The following ATP9B variants were observed in gnomAD, a reference collection of about 807,000 sequenced individuals.
The protein encoded by ATP9B is probable phospholipid-transporting ATPase IIB.
A neutral mutation model predicts 146.1 loss-of-function variants in ATP9B; 110 were observed. That is an observed-to-expected ratio of 0.75 (90% CI 0.65 to 0.88). The LOEUF is 0.88. Among genes scored for constraint, ATP9B ranks in the 40% least tolerant of loss-of-function variants. The probability of loss-of-function intolerance (pLI) is 0.00; values close to 1 mark genes in which losing one functional copy is unlikely to be tolerated. For synonymous variants in ATP9B, 604 were observed against 569.7 expected (o/e 1.06, Z -0.86); for missense variants, 1,499 against 1,496.4 (o/e 1.00, Z -0.03).
intron 6 of ATP9B, among the ~76,000 whole-genome samples, chr18:79,149,521 G>T (rs758363747): frequency 8.6e-5 from 13 of 151,928 alleles, no homozygotes; most frequent in Non-Finnish European, 1.6e-4. Flanking sequence ...ATATTTCTTA[G>T]ACTTGATACC....
At chr18:79,099,817 T>C (rs1173812333) in intron 2 of ATP9B, among the ~76,000 whole-genome samples, 1 of 151,950 alleles carries the variant, frequency 6.6e-6, no homozygotes, top group Non-Finnish European at 1.5e-5. Flanking sequence ...CATGAGGCCA[T>C]TGAATATACT....
intron 4 of ATP9B, among the ~76,000 whole-genome samples, chr18:79,118,432 G>C (rs1405610791): frequency 9.7e-6 from 1 of 102,796 alleles, no homozygotes; most frequent in African/African-American, 3.8e-5. Flanking sequence ...ACAGAGTCTT[G>C]GTCTGTCGCC....
chr18:79,207,101 A>G (rs1213031777), intron 10 of ATP9B, 89 bp downstream of exon 10: 5 of 1,275,932 alleles, frequency 3.9e-6, no homozygotes, highest in African/African-American at 1.5e-5. Context: ...GGTTTCTCAC[A>G]GTGCCCTGAA....
At position 79,126,348 on chromosome 18, in the gene ATP9B, C is replaced by T; in HGVS notation, c.640C>T (p.Gln214Ter). The change falls in exon 5 of 30, where the codon CAA becomes TAA. Residue 214 changes from glutamine to a stop codon, truncating the protein, a stop_gained. Transcript: ENST00000426216. LOFTEE classifies it high-confidence loss of function. ...RFQRDKEVNS[Q>*]LYSKLTVRGK... ...TCAGCGTGACAAGGAAGTGAATTCA[C>T]AACTATATAGCAAGCTTACAGTAAG... is the stretch of plus-strand genomic sequence containing the variant. The T allele has an allele frequency of 6.2e-7, 1 of 1,611,608 alleles. No individual in the cohort carries two copies. The highest frequency in any genetic ancestry group is 2.2e-5 in the East Asian group (1 of 44,724).
intron 15 of ATP9B, among the ~76,000 whole-genome samples, chr18:79,325,783 G>C (rs1024117557): frequency 2.0e-5 from 3 of 152,178 alleles, no homozygotes; most frequent in African/African-American, 7.2e-5. Flanking sequence ...CCACTTGCAC[G>C]CAGCATCTCC....
At chr18:79,167,796 A>C (rs1042404826) in intron 7 of ATP9B, among the ~76,000 whole-genome samples, 1 of 152,146 alleles carries the variant, frequency 6.6e-6, no homozygotes, top group South Asian at 2.1e-4. Flanking sequence ...CCGAGGCTTC[A>C]GGTTGTTCCT....
chr18:79,346,680 C>G (rs1286723839), intron 23 of ATP9B, among the ~76,000 whole-genome samples: 1 of 148,130 alleles, frequency 6.8e-6, no homozygotes, highest in Non-Finnish European at 1.5e-5. Context: ...TCAGCACACA[C>G]TCGGCACACA....
intron 2 of ATP9B, among the ~76,000 whole-genome samples, chr18:79,097,287 A>G (rs993410155): frequency 2.7e-5 from 4 of 147,636 alleles, no homozygotes; most frequent in South Asian, 2.1e-4. Context: ...ATATGGGCCT[A>G]TACTCCTCTG....
intron 24 of ATP9B, 73 bp downstream of exon 24, chr18:79,347,998 C>T: frequency 6.2e-7 from 1 of 1,604,206 alleles, no homozygotes. Context: ...AGGGCAGGGT[C>T]CGGGAGTGGG....
At chr18:79,211,500 G>T (rs1314253130) in intron 10 of ATP9B, among the ~76,000 whole-genome samples, 1 of 152,104 alleles carries the variant, frequency 6.6e-6, no homozygotes, top group Non-Finnish European at 1.5e-5. Context: ...CTAGTCATGG[G>T]GTCTGTGGAG....
At chr18:79,335,238 A>G (rs920969283) in intron 17 of ATP9B, among the ~76,000 whole-genome samples, 1 of 152,174 alleles carries the variant, frequency 6.6e-6, no homozygotes, top group Non-Finnish European at 1.5e-5. Context: ...TGTAAGCAAT[A>G]TGGCAGCGTC....
At chr18:79,215,484 A>C (rs1369908740) in intron 11 of ATP9B, among the ~76,000 whole-genome samples, 1 of 151,816 alleles carries the variant, frequency 6.6e-6, no homozygotes, top group Non-Finnish European at 1.5e-5. Context: ...TAATTGTGAT[A>C]ATGGGGAAAG....
chr18:79,108,315 T>C (rs2075788988), intron 2 of ATP9B, among the ~76,000 whole-genome samples: 1 of 152,208 alleles, frequency 6.6e-6, no homozygotes, highest in Non-Finnish European at 1.5e-5. Flanking sequence ...AATTTTTCTT[T>C]CATTCAAGCA....
chr18:79,214,290 A>G (rs189319395), intron 11 of ATP9B, among the ~76,000 whole-genome samples: 56 of 152,340 alleles, frequency 3.7e-4, no homozygotes, highest in African/African-American at 1.0e-3. Context: ...TGTCAGATAT[A>G]TAATTTGCCC....
chr18:79,109,733 T>G (rs924072347), intron 2 of ATP9B, among the ~76,000 whole-genome samples: 3 of 152,016 alleles, frequency 2.0e-5, no homozygotes, highest in African/African-American at 7.2e-5. Context: ...GGCTGGCTAA[T>G]TTTTGTATTT....
intron 15 of ATP9B, among the ~76,000 whole-genome samples, chr18:79,320,938 C>T (rs2096712385): frequency 6.6e-6 from 1 of 152,152 alleles, no homozygotes; most frequent in African/African-American, 2.4e-5. Context: ...AGCTTACATA[C>T]TTTAGGAAAG....
At position 79,170,780 on chromosome 18, in the gene ATP9B, T is replaced by C. The variant is rs149009054; in HGVS notation, c.779-6033T>C. ...TAGTTCGTCTGCTGAGCTACTTGAT[T>C]ATAAGCATTCGCCAGTATAATACTG... is the stretch of plus-strand genomic sequence containing the variant. On this transcript the variant is annotated intron_variant, in intron 7 of 29. Coordinates refer to ENST00000426216, the MANE Select transcript of ATP9B (RefSeq NM_198531.5). Among the ~76,000 whole-genome samples, 220 of 152,310 alleles carry C rather than the reference T, an allele frequency of 1.4e-3. 3 individuals carry two copies. Among genetic ancestry groups the C allele is most frequent in the African/African-American group, 5.0e-3 (207 of 41,562 alleles).
intron 12 of ATP9B, among the ~76,000 whole-genome samples, chr18:79,258,182 A>G (rs1259493314): frequency 6.6e-6 from 1 of 152,232 alleles, no homozygotes; most frequent in Non-Finnish European, 1.5e-5. Flanking sequence ...AGTAAAACAA[A>G]ATAGAAAATA....
At chr18:79,282,442 C>A (rs1173397608) in intron 13 of ATP9B, among the ~76,000 whole-genome samples, 1 of 152,206 alleles carries the variant, frequency 6.6e-6, no homozygotes, top group African/African-American at 2.4e-5. Context: ...GTCCAAACTT[C>A]AGCCACCACC....
Sources: gnomAD v4.1 joint callset for allele counts (sites outside exome capture counted in the v4.1 genomes callset) on GRCh38, gnomAD v4.1.1 for gene constraint, MANE v1.5 for transcripts, NCBI Gene and HGNC (gene_info 2026-07-23, HGNC 2026-07-21) for gene names.